CAPZB: variants seen among roughly 807,000 people sequenced by gnomAD.
The protein encoded by CAPZB is capping actin protein of muscle Z-line subunit beta.
Under a neutral mutation model 38.1 loss-of-function variants are expected in CAPZB, and 2 were observed. The observed-to-expected ratio is 0.05, with a 90% CI of 0.02 to 0.17. CAPZB has a LOEUF of 0.17. Ranked by LOEUF, CAPZB falls within the 10% of genes least tolerant of loss-of-function variation. The pLI is 1.00. For synonymous variants in CAPZB, 107 were observed against 127.4 expected, an observed-to-expected ratio of 0.84 and a Z score of 1.08; for missense variants, 161 against 334.2, an observed-to-expected ratio of 0.48 and a Z score of 4.04.
chr1:19,470,827 G>A (rs946748921), intron 1 of CAPZB, among the ~76,000 whole-genome samples: 1 of 152,198 alleles, frequency 6.6e-6, no homozygotes, highest in African/African-American at 2.4e-5. Flanking sequence ...AGGATCCCAT[G>A]CTTAGAAGGA....
chr1:19,375,768 G>T (rs112482521), intron 4 of CAPZB, among the ~76,000 whole-genome samples: 2 of 152,182 alleles, frequency 1.3e-5, no homozygotes, highest in African/African-American at 4.8e-5. Flanking sequence ...TATGACTCCC[G>T]GCTCCTGTGG....
intron 1 of CAPZB, among the ~76,000 whole-genome samples, chr1:19,436,669 G>C (rs1018950853): frequency 1.5e-5 from 2 of 137,754 alleles, no homozygotes; most frequent in African/African-American, 2.5e-5. Context: ...ATCCCCCATA[G>C]CTAAGGAGGG....
chr1:19,339,045 G>C lies in CAPZB; in HGVS notation c.*485C>G, dbSNP rs568044689. The C allele has an allele frequency of 4.3e-5, 7 of 161,670 alleles. No individual in the cohort carries two copies. The highest frequency in any genetic ancestry group is 7.9e-5 in the Non-Finnish European group (6 of 76,284). The allele number at this position is 161,670 out of a possible 1,614,324, so 10.0% of individuals were successfully genotyped here. ...GCACCGAGGGCCACCTCTGCTCCCA[G>C]AGCTGTCCCCTGTCCCCACGACCCC... is the stretch of plus-strand genomic sequence containing the variant. On this transcript the variant is annotated 3_prime_UTR_variant, in exon 9 of 9. Coordinates refer to ENST00000264202, the MANE Select transcript of CAPZB (RefSeq NM_004930.5).
At chr1:19,472,966 C>T (rs1224816711) in intron 1 of CAPZB, among the ~76,000 whole-genome samples, 2 of 152,096 alleles carry the variant, frequency 1.3e-5, no homozygotes, top group Non-Finnish European at 2.9e-5. Context: ...ATCCGCCCGC[C>T]TCGGCCTCCC....
At chr1:19,362,643 T>C (rs1038734799) in intron 4 of CAPZB, among the ~76,000 whole-genome samples, 5 of 147,728 alleles carry the variant, frequency 3.4e-5, no homozygotes, top group African/African-American at 7.5e-5. Context: ...CCAGCCTCTA[T>C]AAAAAAAAGA....
chr1:19,449,219 G>A lies in CAPZB; in HGVS notation c.4-29469C>T, dbSNP rs145170067. On this transcript the variant is annotated intron_variant, in intron 1 of 8. Coordinates refer to ENST00000264202, the MANE Select transcript of CAPZB (RefSeq NM_004930.5). The stretch of plus-strand genomic sequence containing the variant: ...CTGAAAGGTCATGCTTCCCAAAGCC[G>A]GAACCAGGACAACAGGAACAAAGTG... 128 of 1,135,444 alleles carry A rather than the reference G, an allele frequency of 1.1e-4. No individual in the cohort carries two copies. The Middle Eastern group carries it at 1.2e-3, about 10-fold the overall frequency. The allele number at this position is 1,135,444 out of a possible 1,614,324, so 70.3% of individuals were successfully genotyped here. A position where few individuals can be genotyped will look rare whatever the true frequency, so the allele number is the denominator to read the frequency against.
In CAPZB at chr1:19,403,065, A is replaced by C. The variant is rs376256869; in HGVS notation, c.93+16596T>G. On this transcript the variant is annotated intron_variant, in intron 2 of 8. Coordinates refer to ENST00000264202, the MANE Select transcript of CAPZB (RefSeq NM_004930.5). ...ACTCCATCTCTAAAACAAAACAAAAAAAAAGAAGCCTTGCATTCTATCCAT... is the reference window on the plus strand; with the variant it reads ...ACTCCATCTCTAAAACAAAACAAAACAAAAGAAGCCTTGCATTCTATCCAT... 1.8e-3 allele frequency among the ~76,000 whole-genome samples: 274 copies of C among 151,780 alleles called. 1 individual carries two copies. Among genetic ancestry groups the C allele is most frequent in the African/African-American group, 6.1e-3 (254 of 41,430 alleles).
chr1:19,463,176 C>T (rs1053661655), intron 1 of CAPZB, among the ~76,000 whole-genome samples: 2 of 152,168 alleles, frequency 1.3e-5, no homozygotes, highest in South Asian at 4.1e-4. Flanking sequence ...TCAGAAAGTT[C>T]AAATAGAGTA....
chr1:19,366,455 G>A (rs531059715), intron 4 of CAPZB, among the ~76,000 whole-genome samples: 12 of 151,840 alleles, frequency 7.9e-5, no homozygotes, highest in East Asian at 3.9e-4. Context: ...TTGGGAAGCC[G>A]AGGCCGGCAG....
chr1:19,413,695 T>G (rs553178063), intron 2 of CAPZB, among the ~76,000 whole-genome samples: 16 of 152,206 alleles, frequency 1.1e-4, no homozygotes, highest in Non-Finnish European at 1.0e-4. Context: ...GGTCTGAGAT[T>G]GTTTGAATGA....
intron 4 of CAPZB, among the ~76,000 whole-genome samples, chr1:19,370,710 C>G (rs2094115397): frequency 6.6e-6 from 1 of 152,266 alleles, no homozygotes; most frequent in South Asian, 2.1e-4. Flanking sequence ...TTCCCAGCTG[C>G]CAGCCGCGGG....
chr1:19,352,969 T>C (rs181229140), intron 6 of CAPZB, among the ~76,000 whole-genome samples: 4 of 152,312 alleles, frequency 2.6e-5, no homozygotes, highest in Admixed American at 6.5e-5. Flanking sequence ...GCACAGGGCA[T>C]AGCCTGATGT....
At position 19,389,147 on chromosome 1, in the gene CAPZB, G is replaced by C. The variant is rs144867045; in HGVS notation, c.94-3521C>G. Among the ~76,000 whole-genome samples the C allele has an allele frequency of 4.9e-3, 747 of 152,202 alleles. 6 individuals are homozygous for C. The highest frequency in any genetic ancestry group is 0.017 in the African/African-American group (695 of 41,504). ...TAATACATGGTGTGCCCACAGACTT[G>C]GACCACAGCAGCTGCCCAAAGGTGC... On this transcript the variant is annotated intron_variant, in intron 2 of 8. Coordinates refer to ENST00000264202, the MANE Select transcript of CAPZB (RefSeq NM_004930.5).
At chr1:19,461,455 T>A (rs1570337956) in intron 1 of CAPZB, among the ~76,000 whole-genome samples, 1 of 152,202 alleles carries the variant, frequency 6.6e-6, no homozygotes, top group African/African-American at 2.4e-5. Context: ...AGCATGGGCA[T>A]CCAGAGGCAC....
At chr1:19,395,633 T>C (rs2094263042) in intron 2 of CAPZB, among the ~76,000 whole-genome samples, 1 of 152,200 alleles carries the variant, frequency 6.6e-6, no homozygotes, top group Admixed American at 6.5e-5. Flanking sequence ...GTTGTCCACA[T>C]GTAACCTTAA....
chr1:19,450,898 T>A (rs910072604), intron 1 of CAPZB, among the ~76,000 whole-genome samples: 1 of 152,192 alleles, frequency 6.6e-6, no homozygotes, highest in Non-Finnish European at 1.5e-5. Context: ...AAAACCCCAG[T>A]GACACCACCA....
chr1:19,438,158 C>T (rs928680777), intron 1 of CAPZB, among the ~76,000 whole-genome samples: 2 of 152,146 alleles, frequency 1.3e-5, no homozygotes, highest in African/African-American at 2.4e-5. Context: ...GGAATGCTTA[C>T]GGAAACACTT....
At chr1:19,382,362 C>G (rs1416495686) in intron 3 of CAPZB, among the ~76,000 whole-genome samples, 1 of 152,150 alleles carries the variant, frequency 6.6e-6, no homozygotes, top group Non-Finnish European at 1.5e-5. Context: ...GACAGATGGA[C>G]AGGAATGCCT....
chr1:19,388,744 C>A (rs2094216682), intron 2 of CAPZB, among the ~76,000 whole-genome samples: 1 of 152,190 alleles, frequency 6.6e-6, no homozygotes, highest in South Asian at 2.1e-4. Flanking sequence ...TGTGAGCTGG[C>A]CACGGAACCT....
Sources: allele counts gnomAD v4.1 joint callset (sites outside exome capture counted in the v4.1 genomes callset), GRCh38; gene constraint gnomAD v4.1.1; transcripts MANE v1.5; gene names NCBI Gene and HGNC (gene_info 2026-07-23, HGNC 2026-07-21).